Variants in SNW1 observed in about 807,000 individuals in gnomAD.
SNW1 encodes the protein SNW domain containing 1, also known as SNW domain-containing protein 1.
A neutral mutation model predicts 75.6 loss-of-function variants in SNW1; 9 were observed. The observed-to-expected ratio is 0.12, with a 90% CI of 0.07 to 0.21. SNW1 has a LOEUF of 0.21. Ranked by LOEUF, SNW1 falls within the 10% of genes least tolerant of loss-of-function variation. The pLI, the probability that SNW1 is intolerant of heterozygous loss-of-function variation, is 1.00. For synonymous variants in SNW1, 200 were observed against 219.1 expected, an observed-to-expected ratio of 0.91 and a Z score of 0.77; for missense variants, 409 against 670.9, an observed-to-expected ratio of 0.61 and a Z score of 4.31.
At chr14:77,748,076 T>C (rs1169965757) in intron 3 of SNW1, among the ~76,000 whole-genome samples, 1 of 152,248 alleles carries the variant, frequency 6.6e-6, no homozygotes, top group Non-Finnish European at 1.5e-5. Context: ...AGAAAAATTC[T>C]TCTGCCTTTG....
In SNW1 at chr14:77,754,990, C is replaced by T; in HGVS notation, c.145G>A (p.Gly49Ser). The change falls in exon 2 of 14, where the codon GGC becomes AGC. Residue 49 changes from glycine (G) to serine (S), a missense_variant. By Grantham distance (56) the Gly-to-Ser change is moderately conservative. Coordinates refer to ENST00000261531, the MANE Select transcript of SNW1 (RefSeq NM_012245.3). ...REPPPYGYRK[G>S]WIPRLLEDFG... Reference sequence around the variant, plus strand: ...ACCTCTAATAACCGAGGTATCCAGCCTTTCCGGTATCCGTACGGGGGAGGT... The same window carrying T: ...ACCTCTAATAACCGAGGTATCCAGCTTTTCCGGTATCCGTACGGGGGAGGT... 1 of 1,605,344 alleles carries T rather than the reference C, an allele frequency of 6.2e-7. No homozygotes were observed.
At chr14:77,756,317 C>T (rs1430223184) in intron 1 of SNW1, among the ~76,000 whole-genome samples, 3 of 151,814 alleles carry the variant, frequency 2.0e-5, no homozygotes, top group Admixed American at 2.0e-4. Context: ...CTGGTTTTTG[C>T]CATGTTGGCC....
chr14:77,746,119 G>C (rs8010541), intron 3 of SNW1, among the ~76,000 whole-genome samples: 98,814 of 152,154 alleles, frequency 0.65, 32,371 homozygotes, highest in South Asian at 0.72. Flanking sequence ...TCAGTATTCC[G>C]ATCAGGAGAG....
At position 77,723,165 on chromosome 14, in the gene SNW1, C is replaced by G. The variant is rs1022274188; in HGVS notation, c.1130+16G>C. ...CCCGGCCACCATGATTGGTACACAT[C>G]TTAAATAACACCTACCTCTTATCAG... On this transcript the variant is annotated intron_variant, in intron 11 of 13. Transcript: ENST00000261531. The G allele has an allele frequency of 2.5e-6, 4 of 1,606,976 alleles. No homozygotes were observed. Among genetic ancestry groups the G allele is most frequent in the Non-Finnish European group, 3.4e-6 (4 of 1,173,822 alleles).
intron 10 of SNW1, chr14:77,730,767 A>G: frequency 2.1e-6 from 1 of 471,388 alleles, no homozygotes; most frequent in Non-Finnish European, 3.7e-6. Context: ...AGAAGTTTAA[A>G]AATTTCTGGT....
At chr14:77,727,518 TG>T (rs1248994662) in intron 10 of SNW1, among the ~76,000 whole-genome samples, 1 of 152,178 alleles carries the variant, frequency 6.6e-6, no homozygotes, top group East Asian at 1.9e-4. Flanking sequence ...ATGTCAGCTG[TG>T]GGTTTGTCAT....
At chr14:77,758,884 A>C (rs891154065) in intron 1 of SNW1, among the ~76,000 whole-genome samples, 2 of 152,200 alleles carry the variant, frequency 1.3e-5, no homozygotes, top group Non-Finnish European at 2.9e-5. Flanking sequence ...CCTCTAATTC[A>C]ATTCAATTTT....
At chr14:77,748,447 GA>G (rs147163071) in intron 3 of SNW1, among the ~76,000 whole-genome samples, 11,768 of 150,582 alleles carry the variant, frequency 0.078, 516 homozygotes, top group Middle Eastern at 0.1. Context: ...AATATTTTAG[GA>G]AAAAAAAATT....
intron 1 of SNW1, among the ~76,000 whole-genome samples, chr14:77,758,414 G>A (rs984744072): frequency 4.0e-5 from 6 of 151,174 alleles, no homozygotes; most frequent in Non-Finnish European, 8.8e-5. Context: ...GCTCCTTGCT[G>A]GGCAGGGCTA....
At chr14:77,727,056 G>GT (rs137930156) in intron 10 of SNW1, among the ~76,000 whole-genome samples, 25,138 of 150,314 alleles carry the variant, frequency 0.17, 2,404 homozygotes, top group Non-Finnish European at 0.22. Flanking sequence ...TTGATGTCTT[G>GT]TTTTTTTTTG....
intron 1 of SNW1, among the ~76,000 whole-genome samples, chr14:77,758,386 ATCTTT>A (rs1320044732): frequency 6.7e-6 from 1 of 149,910 alleles, no homozygotes; most frequent in Non-Finnish European, 1.5e-5. Context: ...AGATCTCCAG[ATCTTT>A]TCTTTTTTGA....
At chr14:77,736,069 G>A in intron 6 of SNW1, 63 bp from the exon 7 acceptor site, 2 of 1,183,914 alleles carry the variant, frequency 1.7e-6, no homozygotes, top group East Asian at 2.4e-5. Flanking sequence ...ATCATATCAA[G>A]TCTCTCCTCC....
intron 8 of SNW1, 121 bp from the exon 9 acceptor site, chr14:77,732,722 G>A (rs1020826194): frequency 1.6e-6 from 1 of 645,084 alleles, no homozygotes; most frequent in Non-Finnish European, 2.7e-6. Flanking sequence ...TGGAGGGCAG[G>A]GGTGCCATCT....
At chr14:77,729,891 A>G (rs2080615773) in intron 10 of SNW1, among the ~76,000 whole-genome samples, 1 of 152,176 alleles carries the variant, frequency 6.6e-6, no homozygotes, top group African/African-American at 2.4e-5. Context: ...TTTCACTTGT[A>G]GTAAAAGCTT....
chr14:77,724,385 T>G (rs1466463273), intron 10 of SNW1, among the ~76,000 whole-genome samples: 3 of 152,224 alleles, frequency 2.0e-5, no homozygotes. Context: ...TATTCTTCTC[T>G]TCTAGCTATT....
chr14:77,751,845 CCACA>C (rs1555388653), intron 2 of SNW1, among the ~76,000 whole-genome samples: 4,105 of 122,320 alleles, frequency 0.034, 72 homozygotes, highest in East Asian at 0.058. Context: ...CACACACACA[CCACA>C]CACACACACA....
At chr14:77,731,250 C>G in intron 9 of SNW1, 121 bp from the exon 10 acceptor site, 1 of 1,063,452 alleles carries the variant, frequency 9.4e-7, no homozygotes, top group Non-Finnish European at 1.3e-6. Flanking sequence ...TTTGTTATTG[C>G]TAATTAAAAC....
intron 2 of SNW1, among the ~76,000 whole-genome samples, chr14:77,754,063 A>T (rs1487649059): frequency 6.6e-6 from 1 of 151,040 alleles, no homozygotes; most frequent in East Asian, 1.9e-4. Flanking sequence ...ATTTTTTTTG[A>T]GATGGAGTTT....
At position 77,754,995 on chromosome 14, in the gene SNW1, C is replaced by G; in HGVS notation, c.140G>C (p.Arg47Pro). 1 of 1,606,118 alleles carries G rather than the reference C, an allele frequency of 6.2e-7. No homozygotes were observed. The highest frequency in any genetic ancestry group is 8.5e-7 in the Non-Finnish European group (1 of 1,176,090). ...SRREPPPYGY[R>P]KGWIPRLLED... ...TAATAACCGAGGTATCCAGCCTTTC[C>G]GGTATCCGTACGGGGGAGGTTCTCT... Residue 47 changes from arginine (R) to proline (P), a missense_variant, in exon 2 of 14, where the codon CGG becomes CCG. This residue lies in a region of SNW1 where 73 missense variants were observed against 68.3 expected (regional missense o/e 1.07). Transcript: ENST00000261531.
Sources: gnomAD v4.1 joint callset for allele counts (sites outside exome capture counted in the v4.1 genomes callset) on GRCh38, gnomAD v4.1.1 for gene constraint, gnomAD v4.1.1 regional missense constraint, MANE v1.5 for transcripts, NCBI Gene and HGNC (gene_info 2026-07-23, HGNC 2026-07-21) for gene names.